Variants in MAD1L1 observed in about 807,000 individuals in gnomAD.
MAD1L1 encodes mitotic arrest deficient 1 like 1, also known as mitotic spindle assembly checkpoint protein MAD1.
A neutral mutation model predicts 96.9 loss-of-function variants in MAD1L1; 95 were observed. The ratio of observed to expected loss-of-function variants is 0.98; its 90% confidence interval spans 0.83 to 1.16. MAD1L1 has a LOEUF of 1.16. Among genes scored for constraint, MAD1L1 ranks in the 50% most tolerant of loss-of-function variants. The probability of loss-of-function intolerance (pLI) is 0.00; values close to 1 mark genes in which losing one functional copy is unlikely to be tolerated. For missense variants in MAD1L1, 1,007 were observed against 954.4 expected, an observed-to-expected ratio of 1.06 and a Z score of -0.73; for synonymous variants, 473 against 396.6, an observed-to-expected ratio of 1.19 and a Z score of -2.29.
At chr7:2,161,931 G>T (rs914336506) in intron 10 of MAD1L1, among the ~76,000 whole-genome samples, 3 of 144,074 alleles carry the variant, frequency 2.1e-5, no homozygotes. Context: ...TCCGGGAGGT[G>T]GGGGGCAGCC....
chr7:2,084,400 A>C (rs2128541090), intron 11 of MAD1L1, among the ~76,000 whole-genome samples: 1 of 152,348 alleles, frequency 6.6e-6, no homozygotes, highest in Middle Eastern at 3.4e-3. Flanking sequence ...GCAAGGGGGC[A>C]GAGCATGCGA....
intron 16 of MAD1L1, among the ~76,000 whole-genome samples, chr7:1,941,017 A>AGGCCTCAGCCTG (rs1285612988): frequency 4.3e-4 from 10 of 23,362 alleles, no homozygotes; most frequent in Non-Finnish European, 9.0e-4. Context: ...CTTCCTCCCC[A>AGGCCTCAGCCTG]GGCTTCAACA....
At chr7:1,962,665 A>C (rs1027006995) in intron 15 of MAD1L1, among the ~76,000 whole-genome samples, 5 of 152,258 alleles carry the variant, frequency 3.3e-5, no homozygotes, top group African/African-American at 1.2e-4. Context: ...ACCAAAGAAG[A>C]TCTACAGATG....
At chr7:2,069,128 C>T in intron 12 of MAD1L1, 66 bp downstream of exon 12, 2 of 1,463,434 alleles carry the variant, frequency 1.4e-6, no homozygotes, top group Non-Finnish European at 1.8e-6. Context: ...TGAGATCCAG[C>T]TAACCAGGTG....
At chr7:1,980,387 G>A (rs1780841055) in intron 15 of MAD1L1, 66 bp downstream of exon 15, 4 of 1,394,662 alleles carry the variant, frequency 2.9e-6, no homozygotes, top group East Asian at 2.5e-5. Context: ...GGACACACCT[G>A]GGCGTATCCG....
chr7:1,914,959 C>T (rs1201739781), intron 17 of MAD1L1, among the ~76,000 whole-genome samples: 1 of 152,186 alleles, frequency 6.6e-6, no homozygotes, highest in African/African-American at 2.4e-5. Flanking sequence ...ATGGCAGCAA[C>T]AGGAGCCTCA....
chr7:1,959,250 AAAAC>A (rs1779853850), intron 15 of MAD1L1, among the ~76,000 whole-genome samples: 3 of 152,204 alleles, frequency 2.0e-5, no homozygotes. Flanking sequence ...CCCTGTCTCA[AAAAC>A]AAATAAATAA....
chr7:2,229,449 T>C (rs1794082941), intron 3 of MAD1L1, among the ~76,000 whole-genome samples: 1 of 152,218 alleles, frequency 6.6e-6, no homozygotes, highest in South Asian at 2.1e-4. Context: ...GAACTTGTAA[T>C]GAAACAAAAT....
At chr7:1,845,065 C>T (rs936905798) in intron 18 of MAD1L1, among the ~76,000 whole-genome samples, 3 of 152,186 alleles carry the variant, frequency 2.0e-5, no homozygotes, top group East Asian at 1.9e-4. Context: ...CTGGCGGGCG[C>T]GGGAGGCAGG....
intron 18 of MAD1L1, among the ~76,000 whole-genome samples, chr7:1,896,129 G>T (rs984108890): frequency 6.6e-6 from 1 of 152,198 alleles, no homozygotes; most frequent in Non-Finnish European, 1.5e-5. Flanking sequence ...CTGTCCGCCT[G>T]CCTCCTCCTC....
intron 11 of MAD1L1, among the ~76,000 whole-genome samples, chr7:2,112,787 T>A (rs961440311): frequency 2.0e-5 from 3 of 150,002 alleles, no homozygotes; most frequent in Non-Finnish European, 4.4e-5. Flanking sequence ...CAGGGCTCAC[T>A]GGGAAAGTGG....
intron 18 of MAD1L1, chr7:1,849,794 C>CGAAGTG (rs1554272051): frequency 8.9e-6 from 1 of 111,786 alleles, no homozygotes; most frequent in Non-Finnish European, 1.9e-5. Flanking sequence ...AAGGTGACCC[C>CGAAGTG]GCAGTGGCAG....
At chr7:2,056,424 AG>A (rs1316783607) in intron 12 of MAD1L1, among the ~76,000 whole-genome samples, 1 of 136,450 alleles carries the variant, frequency 7.3e-6, no homozygotes, top group Non-Finnish European at 1.5e-5. Flanking sequence ...GCTCTGCTCT[AG>A]GGAAAGAGGG....
chr7:2,188,971 C>G (rs1422269544), intron 10 of MAD1L1, among the ~76,000 whole-genome samples: 1 of 152,126 alleles, frequency 6.6e-6, no homozygotes, highest in Admixed American at 6.5e-5. Flanking sequence ...CAAGGGAACT[C>G]CTAAAACAAC....
intron 11 of MAD1L1, among the ~76,000 whole-genome samples, chr7:2,075,502 C>T (rs1785334386): frequency 6.6e-6 from 1 of 152,174 alleles, no homozygotes; most frequent in East Asian, 1.9e-4. Context: ...CATGCTTGGA[C>T]TGAACTCTGA....
At position 1,976,194 on chromosome 7, in the gene MAD1L1, C is replaced by A. The variant is rs555296149; in HGVS notation, c.1505+4259G>T. Among the ~76,000 whole-genome samples, 95 of 152,352 alleles carry A rather than the reference C, an allele frequency of 6.2e-4. 1 individual carries two copies. Among genetic ancestry groups the A allele is most frequent in the Middle Eastern group, 3.4e-3 (1 of 294 alleles). On this transcript the variant is annotated intron_variant, in intron 15 of 18. Transcript: ENST00000265854. ...CTGTGCATGTGTGTGTGAGGACCATCCCTGGTCCTCCTGTGTCCGAGATTG... is the reference window on the plus strand; with the variant it reads ...CTGTGCATGTGTGTGTGAGGACCATACCTGGTCCTCCTGTGTCCGAGATTG...
At chr7:2,132,804 TTACTGTGTGG>T (rs1333554596) in intron 11 of MAD1L1, among the ~76,000 whole-genome samples, 3 of 152,234 alleles carry the variant, frequency 2.0e-5, no homozygotes, top group Non-Finnish European at 4.4e-5. Context: ...AAGGACACTG[TTACTGTGTGG>T]TTCCCGACCC....
intron 12 of MAD1L1, among the ~76,000 whole-genome samples, chr7:2,063,775 C>A (rs2128525246): frequency 6.6e-6 from 1 of 152,332 alleles, no homozygotes; most frequent in Non-Finnish European, 1.5e-5. Flanking sequence ...CAGGGTGCGG[C>A]CACCAGAACA....
At chr7:2,194,961 A>AC (rs931501242) in intron 10 of MAD1L1, among the ~76,000 whole-genome samples, 2 of 151,948 alleles carry the variant, frequency 1.3e-5, no homozygotes, top group African/African-American at 4.8e-5. Context: ...GCTGATGCGC[A>AC]CCTGTAGTCC....
Sources: allele counts gnomAD v4.1 joint callset (sites outside exome capture counted in the v4.1 genomes callset), GRCh38; gene constraint gnomAD v4.1.1; transcripts MANE v1.5; gene names NCBI Gene and HGNC (gene_info 2026-07-23, HGNC 2026-07-21).